The following SYN3 variants were observed in gnomAD, a reference collection of about 807,000 sequenced individuals.
SYN3 encodes the protein synapsin III.
A neutral mutation model predicts 65.8 loss-of-function variants in SYN3; 35 were observed. That is an observed-to-expected ratio of 0.53 (90% CI 0.41 to 0.70). The LOEUF (loss-of-function observed/expected upper bound fraction) is 0.70, where lower values mean the gene tolerates loss of function less well. Ranked by LOEUF, SYN3 falls within the 30% of genes least tolerant of loss-of-function variation. The pLI, the probability that SYN3 is intolerant of heterozygous loss-of-function variation, is 0.00. For synonymous variants in SYN3, 270 were observed against 292.9 expected (o/e 0.92, Z 0.80); for missense variants, 680 against 749.0 (o/e 0.91, Z 1.08).
intron 6 of SYN3, among the ~76,000 whole-genome samples, chr22:32,664,812 G>C (rs1251733772): frequency 6.6e-6 from 1 of 150,906 alleles, no homozygotes; most frequent in South Asian, 2.1e-4. Flanking sequence ...GGATGGTCTC[G>C]ATCTCCTAAC....
chr22:32,856,010 T>G (rs1484353404), intron 6 of SYN3, among the ~76,000 whole-genome samples: 3 of 152,162 alleles, frequency 2.0e-5, no homozygotes, highest in African/African-American at 7.2e-5. Context: ...ATAAAAAACA[T>G]GGAGAATTTC....
intron 6 of SYN3, among the ~76,000 whole-genome samples, chr22:32,748,720 T>C (rs1351628516): frequency 2.0e-5 from 3 of 152,178 alleles, no homozygotes; most frequent in Admixed American, 1.3e-4. Flanking sequence ...ACTCAGGTCT[T>C]ATCCTCGACC....
chr22:32,717,227 G>A (rs1313532725), intron 6 of SYN3, among the ~76,000 whole-genome samples: 1 of 152,178 alleles, frequency 6.6e-6, no homozygotes, highest in Non-Finnish European at 1.5e-5. Flanking sequence ...TGACCCCTGA[G>A]CCCACGATGC....
At chr22:32,989,159 A>G (rs973278094) in intron 2 of SYN3, among the ~76,000 whole-genome samples, 27 of 152,192 alleles carry the variant, frequency 1.8e-4, no homozygotes, top group African/African-American at 6.0e-4. Context: ...AGACAAGCCC[A>G]GGTCCCTTTC....
At chr22:32,647,940 T>C (rs131066) in intron 6 of SYN3, among the ~76,000 whole-genome samples, 34,641 of 151,984 alleles carry the variant, frequency 0.23, 4,466 homozygotes, top group Non-Finnish European at 0.29. Context: ...AGTCTCACTA[T>C]CTTGTCCAGG....
chr22:32,516,346 G>GATTGATTGATTTATTT (rs779603620), intron 13 of SYN3, among the ~76,000 whole-genome samples: 227 of 149,944 alleles, frequency 1.5e-3, no homozygotes, highest in African/African-American at 5.4e-3. Context: ...ATACATCTTT[G>GATTGATTGATTTATTT]ATTTATTTAT....
chr22:32,676,884 G>T (rs1340305346), intron 6 of SYN3, among the ~76,000 whole-genome samples: 3 of 152,048 alleles, frequency 2.0e-5, no homozygotes, highest in African/African-American at 7.2e-5. Flanking sequence ...GACAGGCCTT[G>T]TGCGGCCAGC....
At chr22:33,043,525 G>A (rs2054002336) in intron 1 of SYN3, among the ~76,000 whole-genome samples, 1 of 152,036 alleles carries the variant, frequency 6.6e-6, no homozygotes, top group Admixed American at 6.6e-5. Context: ...TCCAGCTTGG[G>A]CAACAAGAGT....
chr22:32,817,668 C>T (rs1350533106), intron 6 of SYN3, among the ~76,000 whole-genome samples: 1 of 152,206 alleles, frequency 6.6e-6, no homozygotes, highest in Non-Finnish European at 1.5e-5. Flanking sequence ...TTCCTGTGGT[C>T]ATGACTTGTT....
intron 6 of SYN3, among the ~76,000 whole-genome samples, chr22:32,721,006 G>C (rs1310971751): frequency 6.6e-6 from 1 of 152,206 alleles, no homozygotes; most frequent in Non-Finnish European, 1.5e-5. Context: ...AGGTTCTTGG[G>C]GGCTTTCCTT....
chr22:32,994,308 G>A (rs2052814632), intron 2 of SYN3, among the ~76,000 whole-genome samples: 1 of 152,132 alleles, frequency 6.6e-6, no homozygotes. Context: ...GGACTGCGAG[G>A]GGGTAGGGAG....
intron 7 of SYN3, among the ~76,000 whole-genome samples, chr22:32,568,910 T>A (rs2146401413): frequency 1.3e-5 from 2 of 152,318 alleles, no homozygotes; most frequent in African/African-American, 4.8e-5. Flanking sequence ...CTGAAGCTAA[T>A]CAATCAGGCT....
chr22:32,631,804 A>G (rs1601801304), intron 6 of SYN3, among the ~76,000 whole-genome samples: 1 of 152,192 alleles, frequency 6.6e-6, no homozygotes, highest in Non-Finnish European at 1.5e-5. Context: ...AACTTGCCCA[A>G]AGTAATACAG....
chr22:32,788,279 C>T (rs2013544), intron 6 of SYN3, among the ~76,000 whole-genome samples: 15,558 of 152,024 alleles, frequency 0.1, 851 homozygotes, highest in Admixed American at 0.16. Flanking sequence ...TGGTGGTTCA[C>T]GCCTATAATC....
At chr22:32,545,042 G>A (rs563687935) in intron 7 of SYN3, among the ~76,000 whole-genome samples, 3 of 152,324 alleles carry the variant, frequency 2.0e-5, no homozygotes, top group South Asian at 2.1e-4. Flanking sequence ...TGGCCAACAA[G>A]ATGTGAGCGG....
At chr22:32,849,678 A>C in intron 6 of SYN3, 1 of 778,246 alleles carries the variant, frequency 1.3e-6, no homozygotes, top group African/African-American at 1.7e-5. Context: ...CTGGAGAGGG[A>C]GCTGCTAAGG....
At chr22:32,945,693 G>T (rs2051086656) in intron 3 of SYN3, among the ~76,000 whole-genome samples, 1 of 152,160 alleles carries the variant, frequency 6.6e-6, no homozygotes, top group Admixed American at 6.5e-5. Context: ...TGACAAATGG[G>T]ATCTAATTAA....
At chr22:32,615,940 G>A (rs1347374546) in intron 6 of SYN3, among the ~76,000 whole-genome samples, 1 of 152,352 alleles carries the variant, frequency 6.6e-6, no homozygotes, top group East Asian at 1.9e-4. Flanking sequence ...TTCTGTGAGT[G>A]AACGTGTGGG....
chr22:32,522,008 G>A (rs985998962), intron 12 of SYN3, among the ~76,000 whole-genome samples: 20 of 152,246 alleles, frequency 1.3e-4, no homozygotes, highest in Non-Finnish European at 2.9e-4. Context: ...CACTGCCCTA[G>A]TTATTTCTTT....
Sources: allele counts gnomAD v4.1 joint callset (sites outside exome capture counted in the v4.1 genomes callset), GRCh38; gene constraint gnomAD v4.1.1; transcripts MANE v1.5; gene names NCBI Gene and HGNC (gene_info 2026-07-23, HGNC 2026-07-21).